HIVEP1: variants seen among roughly 807,000 people sequenced by gnomAD.
HIVEP1 encodes the protein HIVEP zinc finger 1.
In HIVEP1, 36 loss-of-function variants were observed where a neutral mutation model predicts 180.0. The ratio of observed to expected loss-of-function variants is 0.20; its 90% CI spans 0.15 to 0.26. The LOEUF is 0.26. HIVEP1 is among the 10% of genes least tolerant of loss of function. The pLI, the probability that HIVEP1 is intolerant of heterozygous loss-of-function variation, is 1.00. For missense variants in HIVEP1, 3,143 were observed against 3,268.7 expected (o/e 0.96, Z 0.94); for synonymous variants, 1,239 against 1,239.0 (o/e 1.00, Z 0.00).
At chr6:12,117,055 A>G (rs1207608512) in intron 3 of HIVEP1, among the ~76,000 whole-genome samples, 6 of 152,242 alleles carry the variant, frequency 3.9e-5, no homozygotes, top group Non-Finnish European at 7.3e-5. Context: ...AGTTGTCAAC[A>G]TAAGAGAAAA....
At chr6:12,020,949 G>A (rs564346271) in intron 2 of HIVEP1, among the ~76,000 whole-genome samples, 17 of 141,208 alleles carry the variant, frequency 1.2e-4, no homozygotes, top group Admixed American at 4.6e-4. Flanking sequence ...GGAGTGCAGC[G>A]GTGTGATCTT....
the HIVEP1 span, among the ~76,000 whole-genome samples, chr6:12,201,357 G>T: frequency 6.6e-6 from 1 of 152,102 alleles, no homozygotes; most frequent in Non-Finnish European, 1.5e-5. Flanking sequence ...CACAACTGTA[G>T]TCCCAGCTAC....
At chr6:12,177,975 A>G in the HIVEP1 span, among the ~76,000 whole-genome samples, 1 of 152,332 alleles carries the variant, frequency 6.6e-6, no homozygotes, top group South Asian at 2.1e-4. Flanking sequence ...AATGTTTAAG[A>G]TAACATTTCA....
the HIVEP1 span, among the ~76,000 whole-genome samples, chr6:12,203,969 T>C: frequency 1.3e-5 from 2 of 151,786 alleles, no homozygotes; most frequent in East Asian, 3.9e-4. Flanking sequence ...CCCAGCTACT[T>C]GGGAGGCTGA....
chr6:12,046,320 G>A (rs568034622), intron 2 of HIVEP1, among the ~76,000 whole-genome samples: 5 of 152,224 alleles, frequency 3.3e-5, no homozygotes, highest in African/African-American at 1.2e-4. Flanking sequence ...CTGCATTTCT[G>A]GACCTGTTCA....
chr6:12,124,720 G>A lies in HIVEP1; in HGVS notation c.4925G>A (p.Ser1642Asn), dbSNP rs770149566. ...SSFMLPIRLQ[S>N]SVPAYCFATL... ...TTCATGCTGCCCATACGCCTGCAGAGTAGTGTTCCTGCTTACTGTTTTGCT... is the reference window on the plus strand; with the variant it reads ...TTCATGCTGCCCATACGCCTGCAGAATAGTGTTCCTGCTTACTGTTTTGCT... The change falls in exon 4 of 9, where the codon AGT becomes AAT. Residue 1642 changes from serine to asparagine, a missense_variant. Physicochemically the swap from Ser to Asn is conservative, Grantham distance 46. This residue lies in a region of HIVEP1 where 1,357 missense variants were observed against 1,260.5 expected (regional missense o/e 1.08). Coordinates refer to ENST00000379388, the MANE Select transcript of HIVEP1 (RefSeq NM_002114.4). 2.5e-6 allele frequency: 4 copies of A among 1,614,196 alleles called. No individual in the cohort carries two copies. Among genetic ancestry groups the A allele is most frequent in the Non-Finnish European group, 3.4e-6 (4 of 1,180,034 alleles).
rs983238252 is a variant in HIVEP1 at position 12,121,906 on chromosome 6, G to C, written c.2111G>C (p.Gly704Ala). 1 of 1,614,158 alleles carries C rather than the reference G, an allele frequency of 6.2e-7. No individual in the cohort carries two copies. The highest frequency in any genetic ancestry group is 1.7e-4 in the Middle Eastern group (1 of 6,060). Reference sequence around the variant, plus strand: ...TTACCCAGCACAGAACAAGACTCTGGAAGGAGTAACGGACCCTCTGCAGCT... The same window carrying C: ...TTACCCAGCACAGAACAAGACTCTGCAAGGAGTAACGGACCCTCTGCAGCT... ...RRLPSTEQDS[G>A]RSNGPSAALV... Residue 704 changes from glycine (G) to alanine (A), a missense_variant, in exon 4 of 9, where the codon GGA (glycine) becomes GCA (alanine). By Grantham distance (60) the Gly-to-Ala change is moderately conservative. Around this residue, in one of 12 missense-constraint regions of HIVEP1, gnomAD observed 365 missense variants for 344.4 expected, o/e 1.06. Coordinates refer to ENST00000379388, the MANE Select transcript of HIVEP1 (RefSeq NM_002114.4). This position sits in a 1 kb window ranked among gnomAD's most constrained non-coding sequence, Gnocchi z 5.3.
chr6:12,077,035 C>T (rs1420571809), intron 2 of HIVEP1, among the ~76,000 whole-genome samples: 1 of 152,076 alleles, frequency 6.6e-6, no homozygotes, highest in South Asian at 2.1e-4. Flanking sequence ...GGGCCCTAAA[C>T]TACAACTTAC....
chr6:12,086,814 G>A (rs1336416622), intron 2 of HIVEP1, among the ~76,000 whole-genome samples: 1 of 152,012 alleles, frequency 6.6e-6, no homozygotes, highest in Non-Finnish European at 1.5e-5. Context: ...TTTTTTCTCT[G>A]TCACGGTGAA....
rs570737128 is a variant in HIVEP1 at position 12,140,507 on chromosome 6, A to G, written c.6487+4615A>G. Among the ~76,000 whole-genome samples the G allele has an allele frequency of 2.6e-5, 4 of 152,382 alleles. No homozygotes were observed. The East Asian group carries it at 7.7e-4, about 29-fold the overall frequency. On this transcript the variant is annotated intron_variant, in intron 7 of 8. Transcript: ENST00000379388. ...CTCGCCAGCAATGGAACAAAGCTGG[A>G]TGGAGAATGACTTTGATGAGCTGAC...
intron 2 of HIVEP1, among the ~76,000 whole-genome samples, chr6:12,033,379 A>G (rs148706582): frequency 0.011 from 1,655 of 151,910 alleles, 12 homozygotes; most frequent in Non-Finnish European, 0.017. Context: ...CATCTGTACA[A>G]TGAGAGACAG....
At chr6:12,102,200 A>G (rs1774151979) in intron 3 of HIVEP1, among the ~76,000 whole-genome samples, 1 of 152,188 alleles carries the variant, frequency 6.6e-6, no homozygotes, top group African/African-American at 2.4e-5. Flanking sequence ...TCTTCTAGAC[A>G]GAAGGTCAGC....
At chr6:12,081,242 C>CA (rs760546792) in intron 2 of HIVEP1, among the ~76,000 whole-genome samples, 5 of 152,118 alleles carry the variant, frequency 3.3e-5, no homozygotes, top group Non-Finnish European at 5.9e-5. Flanking sequence ...TTGGAGACAC[C>CA]AAAAATGCAT....
chr6:12,090,530 G>A (rs1351881311), intron 3 of HIVEP1, among the ~76,000 whole-genome samples: 3 of 151,808 alleles, frequency 2.0e-5, no homozygotes, highest in Non-Finnish European at 2.9e-5. Flanking sequence ...CTCACCCCAC[G>A]CTCCTTCCAT....
At position 12,121,957 on chromosome 6, in the gene HIVEP1, C is replaced by T; in HGVS notation, c.2162C>T (p.Ala721Val). 1 of 1,614,186 alleles carries T rather than the reference C, an allele frequency of 6.2e-7. No individual in the cohort carries two copies. Among genetic ancestry groups the T allele is most frequent in the Non-Finnish European group, 8.5e-7 (1 of 1,180,020 alleles). Residue 721 changes from alanine (A) to valine (V), a missense_variant, in exon 4 of 9, where the codon GCT becomes GTT. Transcript: ENST00000379388. This position sits in a 1 kb window ranked among gnomAD's most constrained non-coding sequence, Gnocchi z 5.3. ...CTTGTCACCACGTCAACACCCTCTG[C>T]TTTGCCCACAGGGGAAAAGGCATTG... Reference protein sequence around the residue: ...AALVTTSTPSALPTGEKALLL... With the variant: ...AALVTTSTPSVLPTGEKALLL...
intron 2 of HIVEP1, among the ~76,000 whole-genome samples, chr6:12,068,777 A>G (rs1253024317): frequency 6.6e-6 from 1 of 152,194 alleles, no homozygotes; most frequent in African/African-American, 2.4e-5. Flanking sequence ...ACATATGTTC[A>G]TATATATTAT....
At chr6:12,194,519 G>A in the HIVEP1 span, among the ~76,000 whole-genome samples, 2 of 152,164 alleles carry the variant, frequency 1.3e-5, no homozygotes, top group Non-Finnish European at 2.9e-5. Flanking sequence ...AGGACAAACA[G>A]GCCGGACGCG....
chr6:12,019,665 AG>A (rs773992478), intron 2 of HIVEP1, among the ~76,000 whole-genome samples: 9 of 152,120 alleles, frequency 5.9e-5, no homozygotes, highest in Non-Finnish European at 1.0e-4. Flanking sequence ...TTGGTAATCA[AG>A]TCCGTATTAA....
At chr6:12,011,270 T>TCC (rs76242358), upstream of HIVEP1, among the ~76,000 whole-genome samples, 185 of 71,552 alleles carry the variant, frequency 2.6e-3, 5 homozygotes, top group South Asian at 4.8e-3. Context: ...CCCCTTGGGG[T>TCC]CCCCCCCCCC....
Sources: gnomAD v4.1 joint callset for allele counts (sites outside exome capture counted in the v4.1 genomes callset) on GRCh38, gnomAD v4.1.1 for gene constraint, gnomAD v4.1.1 regional missense constraint, Gnocchi (gnomAD v3.1) non-coding constraint, MANE v1.5 for transcripts, NCBI Gene and HGNC (gene_info 2026-07-23, HGNC 2026-07-21) for gene names.